Variants in ECI1 observed in about 807,000 individuals in gnomAD.
ECI1 encodes the protein enoyl-CoA delta isomerase 1, mitochondrial.
In ECI1, 34 loss-of-function variants were observed where a neutral mutation model predicts 34.2. The ratio of observed to expected loss-of-function variants is 1.00; its 90% CI spans 0.76 to 1.33. The LOEUF (loss-of-function observed/expected upper bound fraction) is 1.33. Ranked by LOEUF, ECI1 falls within the 40% of genes most tolerant of loss-of-function variation. The probability of loss-of-function intolerance (pLI) is 0.00; values close to 1 mark genes in which losing one functional copy is unlikely to be tolerated. For missense variants in ECI1, 456 were observed against 422.2 expected (o/e 1.08, Z -0.70); for synonymous variants, 211 against 193.0 (o/e 1.09, Z -0.77).
intron 2 of ECI1, among the ~76,000 whole-genome samples, 169 bp downstream of exon 2, chr16:2,251,147 T>A (rs985582659): frequency 2.0e-5 from 3 of 152,228 alleles, no homozygotes; most frequent in Non-Finnish European, 4.4e-5. Flanking sequence ...CAGAAACTTT[T>A]ATCTCATGAC....
intron 3 of ECI1, among the ~76,000 whole-genome samples, chr16:2,246,568 C>T (rs1023216380): frequency 6.6e-6 from 1 of 152,146 alleles, no homozygotes; most frequent in Non-Finnish European, 1.5e-5. Flanking sequence ...AAGGGCGTCT[C>T]TTGGGAAAGC....
chr16:2,251,112 G>A (rs2093552218), intron 2 of ECI1, among the ~76,000 whole-genome samples: 1 of 152,228 alleles, frequency 6.6e-6, no homozygotes, highest in African/African-American at 2.4e-5. Flanking sequence ...GAGCCACCGC[G>A]CCCGGCCTCC....
intron 3 of ECI1, among the ~76,000 whole-genome samples, chr16:2,245,198 C>T (rs1476826939): frequency 6.6e-6 from 1 of 152,182 alleles, no homozygotes; most frequent in Non-Finnish European, 1.5e-5. Context: ...TCACAGCCCC[C>T]TGAGCAAATG....
Position 2,243,101 on chromosome 16 carries a change from C to A in ECI1, c.687G>T (p.Glu229Asp). 1 of 1,605,712 alleles carries A rather than the reference C, an allele frequency of 6.2e-7. No individual in the cohort carries two copies. The highest frequency in any genetic ancestry group is 1.8e-4 in the Middle Eastern group (1 of 5,534). Residue 229 changes from glutamate (E) to aspartate (D), a missense_variant, in exon 6 of 7, where the codon GAG becomes GAT. Coordinates refer to ENST00000301729, the MANE Select transcript of ECI1 (RefSeq NM_001919.4). The stretch of plus-strand genomic sequence containing the variant: ...ACAGCGCAGTGCTCTGCACCTGCTC[C>A]TCCGGGACCACCTGGTCCACTATGC... ...QVGIVDQVVP[E>D]EQVQSTALSA...
intron 1 of ECI1, 32 bp downstream of exon 1, chr16:2,251,483 G>A (rs772468885): frequency 1.3e-5 from 20 of 1,550,634 alleles, no homozygotes; most frequent in Non-Finnish European, 1.7e-5. Flanking sequence ...CCCCGGCCCC[G>A]GCCCGATCCC....
In ECI1 at chr16:2,251,416, C is replaced by G; in HGVS notation, c.66G>C (p.Pro22=). 2.2e-6 allele frequency: 3 copies of G among 1,374,574 alleles called. No individual in the cohort carries two copies. Among genetic ancestry groups the G allele is most frequent in the Non-Finnish European group, 2.8e-6 (3 of 1,061,492 alleles). 85.1% of individuals were successfully genotyped at this position (1,374,574 alleles called of 1,614,324 possible). A position where few individuals can be genotyped will look rare whatever the true frequency, so the allele number is the denominator to read the frequency against. Residue 22 remains proline (P), a synonymous_variant, in exon 2 of 7, where the codon CCG becomes CCC. Coordinates refer to ENST00000301729, the MANE Select transcript of ECI1 (RefSeq NM_001919.4). ...RVLLRAGARL[P]GAALGRTERA... ...GCTCCGTCCGCCCGAGGGCCGCGCC[C>G]GGGAGCCGGGCCCCTGCGAAGGCAG...
intron 2 of ECI1, among the ~76,000 whole-genome samples, chr16:2,247,665 C>T (rs1342745485): frequency 2.6e-5 from 4 of 151,424 alleles, no homozygotes; most frequent in Non-Finnish European, 4.4e-5. Context: ...CCCAAAGTGC[C>T]AGGATTACAG....
Position 2,251,396 on chromosome 16 carries a change from G to C in ECI1, c.86C>G (p.Thr29Arg). Residue 29 changes from threonine (T) to arginine (R), a missense_variant, in exon 2 of 7, where the codon ACG becomes AGG. Physicochemically the swap from Thr to Arg is moderately conservative, Grantham distance 71. Coordinates refer to ENST00000301729, the MANE Select transcript of ECI1 (RefSeq NM_001919.4). ...ARLPGAALGR[T>R]ERAAGGGDGA... ...GTCTCCGCCGCCGGCCGCCCGCTCC[G>C]TCCGCCCGAGGGCCGCGCCCGGGAG... 7.8e-7 allele frequency: 1 copy of C among 1,282,422 alleles called. No homozygotes were observed. The allele number at this position is 1,282,422 out of a possible 1,614,324, so 79.4% of individuals were successfully genotyped here.
chr16:2,246,118 C>G (rs2093539581), intron 3 of ECI1, among the ~76,000 whole-genome samples: 1 of 152,192 alleles, frequency 6.6e-6, no homozygotes, highest in African/African-American at 2.4e-5. Flanking sequence ...CGCTTCTCCT[C>G]AAGGGTCCCA....
chr16:2,246,212 C>T (rs1238775927), intron 3 of ECI1, among the ~76,000 whole-genome samples: 1 of 152,238 alleles, frequency 6.6e-6, no homozygotes, highest in African/African-American at 2.4e-5. Flanking sequence ...CTAGCGTTCG[C>T]CAGCACTCAG....
chr16:2,251,174 A>G, intron 2 of ECI1, 142 bp downstream of exon 2: 1 of 275,674 alleles, frequency 3.6e-6, no homozygotes, highest in African/African-American at 2.3e-5. Flanking sequence ...ACCCAGGTAG[A>G]GCGGCAAGGT....
intron 4 of ECI1, 49 bp from the exon 5 acceptor site, chr16:2,243,488 A>T: frequency 6.2e-7 from 1 of 1,603,430 alleles, no homozygotes; most frequent in African/African-American, 1.3e-5. Flanking sequence ...GGTCCCAACC[A>T]CATTCCAGAG....
chr16:2,244,404 A>C lies in ECI1; in HGVS notation c.441+2T>G. On this transcript the variant is annotated splice_donor_variant, in intron 4 of 6. Transcript: ENST00000301729. LOFTEE classifies it high-confidence loss of function. ...AGGCCACCTGGGAGTGGGGACACTC[A>C]CGTTGATGGCGGAGACCAGCACCAG... is the stretch of plus-strand genomic sequence containing the variant. The C allele has an allele frequency of 1.9e-6, 3 of 1,611,994 alleles. No homozygotes were observed. Among genetic ancestry groups the C allele is most frequent in the Non-Finnish European group, 2.5e-6 (3 of 1,179,674 alleles).
chr16:2,243,078 A>G lies in ECI1; in HGVS notation c.710T>C (p.Leu237Pro), dbSNP rs762139791. The change falls in exon 6 of 7, where the codon CTG (leucine) becomes CCG (proline). Residue 237 changes from leucine to proline, a missense_variant. By Grantham distance (98) the Leu-to-Pro change is moderately conservative. Transcript: ENST00000301729. ...GGCCATCCACTGGGCTATCGCTGAC[A>G]GCGCAGTGCTCTGCACCTGCTCCTC... ...VPEEQVQSTA[L>P]SAIAQWMAIP... is the part of the protein sequence containing the mutation. 13 of 1,604,716 alleles carry G rather than the reference A, an allele frequency of 8.1e-6. No homozygotes were observed. Among genetic ancestry groups the G allele is most frequent in the African/African-American group, 1.3e-5 (1 of 74,902 alleles).
In ECI1 at chr16:2,245,484, T is replaced by G. The variant is rs565754019; in HGVS notation, c.295-932A>C. Among the ~76,000 whole-genome samples the G allele has an allele frequency of 4.6e-5, 7 of 152,324 alleles. No individual in the cohort carries two copies. The South Asian group carries it at 1.0e-3, about 23-fold the overall frequency. ...GAACGGTGCGGGTGGGCAACGCAGC[T>G]CCGCTGTTCCCAAACAGGTGTGAGC... On this transcript the variant is annotated intron_variant, in intron 3 of 6. Coordinates refer to ENST00000301729, the MANE Select transcript of ECI1 (RefSeq NM_001919.4).
chr16:2,242,937 G>A (rs1435391500), intron 6 of ECI1, 109 bp downstream of exon 6: 2 of 878,976 alleles, frequency 2.3e-6, no homozygotes, highest in Non-Finnish European at 3.7e-6. Flanking sequence ...CCACATGGCT[G>A]TGATTATCAA....
At chr16:2,246,754 C>T (rs1311897865) in intron 3 of ECI1, 105 bp downstream of exon 3, 9 of 1,569,238 alleles carry the variant, frequency 5.7e-6, no homozygotes, top group Non-Finnish European at 7.0e-6. Flanking sequence ...GCCTGTGCCA[C>T]ACGTTGGCAG....
chr16:2,241,258 G>T (rs1007152304), intron 6 of ECI1, among the ~76,000 whole-genome samples: 2 of 152,068 alleles, frequency 1.3e-5, no homozygotes, highest in African/African-American at 4.8e-5. Flanking sequence ...TTTGTATCAG[G>T]GTTGGCAAAT....
At chr16:2,241,796 A>G (rs2093528696) in intron 6 of ECI1, 2 of 151,010 alleles carry the variant, frequency 1.3e-5, no homozygotes, top group Non-Finnish European at 2.9e-5. Flanking sequence ...AGTTCAAGCG[A>G]TTCTCCTGCC....
Sources: allele counts gnomAD v4.1 joint callset (sites outside exome capture counted in the v4.1 genomes callset), GRCh38; gene constraint gnomAD v4.1.1; transcripts MANE v1.5; gene names NCBI Gene and HGNC (gene_info 2026-07-23, HGNC 2026-07-21).